The following SDK1 variants were observed in gnomAD, a reference collection of about 807,000 sequenced individuals.
SDK1 encodes sidekick cell adhesion molecule 1, also known as protein sidekick-1.
Under a neutral mutation model 245.5 loss-of-function variants are expected in SDK1, and 157 were observed. The observed-to-expected ratio is 0.64, with a 90% confidence interval of 0.56 to 0.73. The LOEUF (loss-of-function observed/expected upper bound fraction) is 0.73, where lower values mean the gene tolerates loss of function less well. Ranked by LOEUF, SDK1 falls within the 30% of genes least tolerant of loss-of-function variation. SDK1 has a pLI of 0.00. For synonymous variants in SDK1, 1,647 were observed against 1,278.5 expected (o/e 1.29, Z -6.15); for missense variants, 3,583 against 3,002.3 (o/e 1.19, Z -4.52).
intron 4 of SDK1, among the ~76,000 whole-genome samples, chr7:3,796,957 T>C (rs1309654714): frequency 6.6e-6 from 1 of 152,128 alleles, no homozygotes; most frequent in African/African-American, 2.4e-5. Context: ...CACATAAATG[T>C]GATCATATAT....
intron 1 of SDK1, among the ~76,000 whole-genome samples, chr7:3,607,898 G>T (rs894371511): frequency 6.6e-6 from 1 of 152,254 alleles, no homozygotes; most frequent in African/African-American, 2.4e-5. Context: ...TAGAGCAGCA[G>T]TTCCCAAAGT....
Position 4,265,134 on chromosome 7 carries a change from C to T in SDK1, c.6392C>T (p.Ser2131Phe), listed in dbSNP as rs973274679. ...ADASESEATD[S>F]DYEDALPKHS... ...TCCCGCTCCCCGCAGGCCACGGACT[C>T]TGACTACGAGGACGCGCTGCCCAAG... The change falls in exon 45 of 45, where the codon TCT becomes TTT. Residue 2131 changes from serine to phenylalanine, a missense_variant. Physicochemically the swap from Ser to Phe is radical, Grantham distance 155 (BLOSUM62 -2). Coordinates refer to ENST00000404826, the MANE Select transcript of SDK1 (RefSeq NM_152744.4). The T allele has an allele frequency of 1.2e-6, 2 of 1,611,840 alleles. No individual in the cohort carries two copies. The highest frequency in any genetic ancestry group is 1.1e-5 in the South Asian group (1 of 90,974).
At chr7:3,995,869 A>T (rs1784663122) in intron 14 of SDK1, among the ~76,000 whole-genome samples, 1 of 150,470 alleles carries the variant, frequency 6.6e-6, no homozygotes. Flanking sequence ...GTTTGCTTTT[A>T]CCATTAATGT....
chr7:3,515,854 C>G (rs1225855303), intron 1 of SDK1, among the ~76,000 whole-genome samples: 6 of 152,070 alleles, frequency 3.9e-5, no homozygotes, highest in Non-Finnish European at 8.8e-5. Context: ...TGAAACAAAA[C>G]TAATGAAAAA....
chr7:4,052,895 T>A (rs962418742), intron 19 of SDK1, among the ~76,000 whole-genome samples: 3 of 151,882 alleles, frequency 2.0e-5, no homozygotes, highest in Non-Finnish European at 4.4e-5. Flanking sequence ...ACGACCAGCC[T>A]GGCCAAGATG....
At chr7:3,863,736 G>T (rs1031247704) in intron 5 of SDK1, among the ~76,000 whole-genome samples, 4 of 152,170 alleles carry the variant, frequency 2.6e-5, no homozygotes, top group Non-Finnish European at 5.9e-5. Context: ...TGTCTTCAGG[G>T]TTCATCCATG....
intron 4 of SDK1, chr7:3,643,493 C>G (rs551607327): frequency 5.4e-5 from 8 of 149,350 alleles, no homozygotes; most frequent in African/African-American, 1.5e-4. Flanking sequence ...CCACTCCCAC[C>G]TGAGCAACTG....
intron 1 of SDK1, among the ~76,000 whole-genome samples, chr7:3,449,325 T>C (rs1780441734): frequency 6.6e-6 from 1 of 151,206 alleles, no homozygotes; most frequent in African/African-American, 2.4e-5. Flanking sequence ...CTTTCATTCA[T>C]TGTGGAAATA....
Position 4,026,828 on chromosome 7 carries a change from C to T in SDK1, c.2602+9476C>T, listed in dbSNP as rs148757823. Among the ~76,000 whole-genome samples the T allele has an allele frequency of 2.8e-4, 42 of 152,320 alleles. No individual in the cohort carries two copies. Among genetic ancestry groups the T allele is most frequent in the African/African-American group, 9.4e-4 (39 of 41,568 alleles). ...TTAACGATAACACCCGGCACACAAA[C>T]GGCAATATGTACACCCACCCAGCGG... is the stretch of plus-strand genomic sequence containing the variant. On this transcript the variant is annotated intron_variant, in intron 17 of 44. Coordinates refer to ENST00000404826, the MANE Select transcript of SDK1 (RefSeq NM_152744.4). This position sits in a 1 kb window ranked among gnomAD's most constrained non-coding sequence, Gnocchi z 4.1.
intron 1 of SDK1, among the ~76,000 whole-genome samples, chr7:3,447,742 T>A (rs1294213304): frequency 6.7e-6 from 1 of 148,156 alleles, no homozygotes; most frequent in Non-Finnish European, 1.5e-5. Context: ...TTCACTCTCG[T>A]TGCCCAGGCT....
intron 44 of SDK1, among the ~76,000 whole-genome samples, chr7:4,264,412 AGG>A (rs1788302548): frequency 8.0e-6 from 1 of 124,824 alleles, no homozygotes; most frequent in Admixed American, 8.3e-5. Flanking sequence ...GGGGTAAGGA[AGG>A]CCGCGTGGAC....
chr7:3,865,191 C>T (rs1203302661), intron 5 of SDK1, among the ~76,000 whole-genome samples: 1 of 152,124 alleles, frequency 6.6e-6, no homozygotes, highest in Non-Finnish European at 1.5e-5. Context: ...ATCTGAGCCA[C>T]AGCAGATGGG....
chr7:3,777,261 C>G (rs1780594822), intron 4 of SDK1, among the ~76,000 whole-genome samples: 1 of 152,148 alleles, frequency 6.6e-6, no homozygotes, highest in Non-Finnish European at 1.5e-5. Flanking sequence ...TTCGTTCCAG[C>G]CTTGATATTC....
At chr7:3,927,574 C>G (rs901479129) in intron 5 of SDK1, among the ~76,000 whole-genome samples, 1 of 152,178 alleles carries the variant, frequency 6.6e-6, no homozygotes, top group Non-Finnish European at 1.5e-5. Context: ...CTGCGCTTCT[C>G]CCGTGACACT....
chr7:4,164,836 A>G (rs1053991786), intron 32 of SDK1, among the ~76,000 whole-genome samples: 1 of 152,228 alleles, frequency 6.6e-6, no homozygotes, highest in Non-Finnish European at 1.5e-5. Flanking sequence ...CCAGAGCCCA[A>G]CAGAACAAAC....
intron 1 of SDK1, among the ~76,000 whole-genome samples, chr7:3,523,844 G>C (rs1223539177): frequency 1.3e-5 from 2 of 152,168 alleles, no homozygotes; most frequent in Non-Finnish European, 2.9e-5. Flanking sequence ...TCACCAAGCA[G>C]TCTTATGGTT....
chr7:3,903,269 G>A (rs556680829), intron 5 of SDK1, among the ~76,000 whole-genome samples: 4 of 150,872 alleles, frequency 2.7e-5, no homozygotes, highest in Non-Finnish European at 4.4e-5. Flanking sequence ...TCAGCCTCCC[G>A]AGTAGCTGGG....
intron 1 of SDK1, among the ~76,000 whole-genome samples, chr7:3,436,110 GTTC>G (rs989188201): frequency 6.6e-6 from 1 of 152,114 alleles, no homozygotes; most frequent in Non-Finnish European, 1.5e-5. Context: ...ATATAATATG[GTTC>G]TTAATTGTAA....
intron 1 of SDK1, among the ~76,000 whole-genome samples, chr7:3,359,987 A>G (rs904276397): frequency 2.6e-5 from 4 of 152,194 alleles, no homozygotes; most frequent in African/African-American, 4.8e-5. Context: ...GAAAGTTTGT[A>G]AGCAAAATAT....
Sources: allele counts gnomAD v4.1 joint callset (sites outside exome capture counted in the v4.1 genomes callset), GRCh38; gene constraint gnomAD v4.1.1; non-coding constraint Gnocchi (gnomAD v3.1); transcripts MANE v1.5; gene names NCBI Gene and HGNC (gene_info 2026-07-23, HGNC 2026-07-21).